TPH2: variants seen among roughly 807,000 people sequenced by gnomAD.
The protein encoded by TPH2 is tryptophan 5-hydroxylase 2.
In TPH2, 27 loss-of-function variants were observed where a neutral mutation model predicts 59.1. The ratio of observed to expected loss-of-function variants is 0.46; its 90% confidence interval spans 0.34 to 0.63. The LOEUF (loss-of-function observed/expected upper bound fraction) is 0.63. TPH2 is among the 30% of genes least tolerant of loss of function. The probability of loss-of-function intolerance (pLI) is 0.01; values close to 1 mark genes in which losing one functional copy is unlikely to be tolerated. For synonymous variants in TPH2, 220 were observed against 210.5 expected, an observed-to-expected ratio of 1.05 and a Z score of -0.39; for missense variants, 523 against 588.3, an observed-to-expected ratio of 0.89 and a Z score of 1.15.
At chr12:72,030,775 A>G (rs986089126) in intron 9 of TPH2, among the ~76,000 whole-genome samples, 2 of 152,052 alleles carry the variant, frequency 1.3e-5, no homozygotes, top group Non-Finnish European at 2.9e-5. Flanking sequence ...GCCTCAAAAT[A>G]TCTCCCAATG....
Position 71,948,558 on chromosome 12 carries a change from G to A in TPH2, c.541-1030G>A, listed in dbSNP as rs74641863. Among the ~76,000 whole-genome samples the A allele has an allele frequency of 1.4e-4, 21 of 152,328 alleles. No individual in the cohort carries two copies. In the East Asian group the frequency reaches 3.5e-3, roughly 25 times the overall value. ...AATGAGTTTGAGGCTCCTCTTGAGC[G>A]GCCCATCTTGCAGAGCTGTCTTAGG... On this transcript the variant is annotated intron_variant, in intron 4 of 10. Transcript: ENST00000333850.
chr12:72,030,463 A>G (rs559716428), intron 9 of TPH2, among the ~76,000 whole-genome samples: 47 of 152,248 alleles, frequency 3.1e-4, no homozygotes, highest in Admixed American at 1.9e-3. Context: ...AACTTTTAAC[A>G]TCACTGAATT....
At position 72,030,173 on chromosome 12, in the gene TPH2, T is replaced by C. The variant is rs562124340; in HGVS notation, c.1165-1085T>C. 1.5e-4 allele frequency among the ~76,000 whole-genome samples: 23 copies of C among 152,212 alleles called. No homozygotes were observed. The South Asian group carries it at 4.8e-3, about 32-fold the overall frequency. ...CGGCAGTTTCTGCTACCCCATTTTT[T>C]CTCTCTGCCTCTCTCTCCCAACTAA... On this transcript the variant is annotated intron_variant, in intron 9 of 10. Transcript: ENST00000333850.
Position 71,944,646 on chromosome 12 carries a change from G to A in TPH2, c.500G>A (p.Arg167Lys). The A allele has an allele frequency of 6.2e-7, 1 of 1,613,952 alleles. No individual in the cohort carries two copies. The highest frequency in any genetic ancestry group is 8.5e-7 in the Non-Finnish European group (1 of 1,179,850). ...TCTGAGTTAGACAAATGCTCTCACA[G>A]AGTTCTCATGTATGGTTCTGAGCTT... ...KISELDKCSH[R>K]VLMYGSELDA... The change falls in exon 4 of 11, where the codon AGA (arginine) becomes AAA (lysine). Residue 167 changes from arginine (R) to lysine (K), a missense_variant. Transcript: ENST00000333850.
rs199970251 is a variant in TPH2, at chr12:71,977,330, T to TA, written c.806-1621dup. ...CCTTGGCCTCCTAAAGTACTGGTAT[T>TA]ACAGGTGTGAGCCACAGTGCCTGGT... On this transcript the variant is annotated intron_variant, in intron 6 of 10. Transcript: ENST00000333850. Among the ~76,000 whole-genome samples the TA allele has an allele frequency of 5.9e-3, 893 of 152,276 alleles. 39 individuals carry two copies. Among genetic ancestry groups the TA allele is most frequent in the Admixed American group, 0.053 (809 of 15,280 alleles).
At chr12:71,956,066 C>T (rs1429662800) in intron 5 of TPH2, among the ~76,000 whole-genome samples, 1 of 152,178 alleles carries the variant, frequency 6.6e-6, no homozygotes, top group Non-Finnish European at 1.5e-5. Flanking sequence ...AGAGGACCTG[C>T]TTCCAATATG....
intron 2 of TPH2, 113 bp downstream of exon 2, chr12:71,941,846 T>C (rs564489908): frequency 2.4e-6 from 3 of 1,259,848 alleles, no homozygotes; most frequent in East Asian, 2.3e-5. Flanking sequence ...TGGTGAAAGA[T>C]TCAAAGGAAC....
intron 9 of TPH2, among the ~76,000 whole-genome samples, chr12:72,030,833 T>A (rs1233998395): frequency 2.0e-5 from 3 of 152,128 alleles, no homozygotes; most frequent in Non-Finnish European, 4.4e-5. Flanking sequence ...TCCATGCAGA[T>A]AATTATTACT....
intron 6 of TPH2, among the ~76,000 whole-genome samples, chr12:71,975,491 G>A (rs779557639): frequency 2.6e-5 from 4 of 152,250 alleles, no homozygotes; most frequent in Middle Eastern, 3.4e-3. Flanking sequence ...CTCAATGTGA[G>A]GCCCTGACCC....
intron 6 of TPH2, among the ~76,000 whole-genome samples, chr12:71,973,291 A>G (rs1872025347): frequency 6.6e-6 from 1 of 152,190 alleles, no homozygotes; most frequent in African/African-American, 2.4e-5. Context: ...TACAGGTCAT[A>G]AAGACCTTGC....
At chr12:72,005,670 C>T (rs1171710838) in intron 8 of TPH2, among the ~76,000 whole-genome samples, 2 of 152,072 alleles carry the variant, frequency 1.3e-5, no homozygotes, top group African/African-American at 4.8e-5. Flanking sequence ...TGGGTATATT[C>T]TAGAAATAGG....
intron 5 of TPH2, among the ~76,000 whole-genome samples, chr12:71,971,024 A>C (rs904498316): frequency 1.3e-5 from 2 of 152,222 alleles, no homozygotes; most frequent in Non-Finnish European, 2.9e-5. Flanking sequence ...TGCCGAGAAC[A>C]CTGAAATATG....
intron 8 of TPH2, among the ~76,000 whole-genome samples, chr12:72,005,110 C>T (rs1566156973): frequency 6.6e-6 from 1 of 152,194 alleles, no homozygotes; most frequent in East Asian, 1.9e-4. Context: ...ACTGGGGAAA[C>T]GTCTCCTAGA....
Position 71,949,639 on chromosome 12 carries a change from G to A in TPH2, c.592G>A (p.Ala198Thr). 1 of 1,612,864 alleles carries A rather than the reference G, an allele frequency of 6.2e-7. No individual in the cohort carries two copies. Among genetic ancestry groups the A allele is most frequent in the East Asian group, 2.2e-5 (1 of 44,826 alleles). The change falls in exon 5 of 11, where the codon GCC becomes ACC. Residue 198 changes from alanine (A) to threonine (T), a missense_variant. Ala to Thr is a moderately conservative substitution (Grantham distance 58). Transcript: ENST00000333850. ...RQRRKYFVDV[A>T]MGYKYGQPIP... ...GAGAAGAAAGTATTTTGTGGATGTG[G>A]CCATGGGTTATAAATAGTAAGTACC...
chr12:71,967,922 T>C (rs762193165), intron 5 of TPH2, among the ~76,000 whole-genome samples: 3 of 152,214 alleles, frequency 2.0e-5, no homozygotes, highest in Non-Finnish European at 4.4e-5. Context: ...ATCCTCCCTC[T>C]CCCGCAGTTA....
chr12:71,990,642 T>A (rs1872560350), intron 7 of TPH2, among the ~76,000 whole-genome samples: 1 of 152,176 alleles, frequency 6.6e-6, no homozygotes, highest in Non-Finnish European at 1.5e-5. Flanking sequence ...CCAAACACAG[T>A]GGGATAGAGA....
chr12:71,998,897 C>T (rs1302074987), intron 8 of TPH2, among the ~76,000 whole-genome samples: 1 of 152,174 alleles, frequency 6.6e-6, no homozygotes. Context: ...GGCCATATTA[C>T]TCTTTGACTC....
Position 71,961,760 on chromosome 12 carries a change from G to C in TPH2, c.609-10759G>C, listed in dbSNP as rs966614198. On this transcript the variant is annotated intron_variant, in intron 5 of 10. Transcript: ENST00000333850. ...AGAATATGAAGAGGACTTTCTGCAA[G>C]GTGAGAAAATAGTGGGAAGCCCTAT... 4.5e-6 allele frequency: 6 copies of C among 1,323,680 alleles called. No homozygotes were observed. The African/African-American group carries it at 9.0e-5, about 20-fold the overall frequency. 82.0% of individuals were successfully genotyped at this position (1,323,680 alleles called of 1,614,324 possible).
chr12:71,993,343 T>C (rs1269200889), intron 7 of TPH2, among the ~76,000 whole-genome samples: 2 of 152,232 alleles, frequency 1.3e-5, no homozygotes, highest in African/African-American at 2.4e-5. Flanking sequence ...GGAGTACAAG[T>C]GAAATCAAAA....
Sources: gnomAD v4.1 joint callset for allele counts (sites outside exome capture counted in the v4.1 genomes callset) on GRCh38, gnomAD v4.1.1 for gene constraint, MANE v1.5 for transcripts, NCBI Gene and HGNC (gene_info 2026-07-23, HGNC 2026-07-21) for gene names.